Variants in USP28 observed in about 807,000 individuals in gnomAD.
The protein encoded by USP28 is ubiquitin specific peptidase 28.
USP28 carries 113 observed loss-of-function variants against 145.0 expected under a neutral mutation model. The observed-to-expected ratio is 0.78, with a 90% CI of 0.67 to 0.91. The LOEUF (loss-of-function observed/expected upper bound fraction) is 0.91, where lower values mean the gene tolerates loss of function less well. Ranked by LOEUF, USP28 falls within the 40% of genes least tolerant of loss-of-function variation. The pLI is 0.00. For missense variants in USP28, 1,201 were observed against 1,289.6 expected (o/e 0.93, Z 1.05); for synonymous variants, 447 against 450.9 (o/e 0.99, Z 0.11).
intron 5 of USP28, among the ~76,000 whole-genome samples, 170 bp downstream of exon 5, chr11:113,840,428 T>C (rs1945070461): frequency 6.6e-6 from 1 of 152,248 alleles, no homozygotes; most frequent in African/African-American, 2.4e-5. Context: ...TTTTTAGTAC[T>C]GCCCAACTTA....
intron 23 of USP28, among the ~76,000 whole-genome samples, 178 bp downstream of exon 24, chr11:113,802,980 C>T (rs1939308744): frequency 6.6e-6 from 1 of 152,072 alleles, no homozygotes; most frequent in Admixed American, 6.6e-5. Context: ...AGAAGAATGA[C>T]ATTCACTAAA....
chr11:113,854,167 A>T, intron 2 of USP28, 91 bp downstream of exon 2: 1 of 1,202,284 alleles, frequency 8.3e-7, no homozygotes, highest in Non-Finnish European at 1.2e-6. Context: ...TATGTGCTTT[A>T]ATTTGGGAAT....
intron 1 of USP28, among the ~76,000 whole-genome samples, chr11:113,866,479 C>A (rs1258985369): frequency 6.6e-6 from 1 of 151,934 alleles, no homozygotes; most frequent in Admixed American, 6.6e-5. Context: ...CAAAAATGGA[C>A]AAAGAACTTA....
chr11:113,854,299 T>C, exon 2 of USP28: 1 of 1,614,180 alleles, frequency 6.2e-7, no homozygotes, highest in Non-Finnish European at 8.5e-7. Context: ...TGAATGCCTG[T>C]GATTTCTCTC....
chr11:113,831,084 T>C lies in USP28; in HGVS notation c.834-141A>G. On this transcript the variant is annotated intron_variant, in intron 8 of 24. Transcript: ENST00000003302. ...CAGGTATGATCTAAATAAGTAACAA[T>C]TAGTTCAGTTCAAATATTTATTGAA... 4.1e-6 allele frequency: 3 copies of C among 726,176 alleles called. No homozygotes were observed. The South Asian group carries it at 5.2e-5, about 13-fold the overall frequency. The allele number at this position is 726,176 out of a possible 1,614,324, so 45.0% of individuals were successfully genotyped here.
chr11:113,821,978 G>T (rs1189783528), intron 12 of USP28: 1 of 151,932 alleles, frequency 6.6e-6, no homozygotes, highest in African/African-American at 2.4e-5. Flanking sequence ...ACAACTCGAA[G>T]GTCTCATTTT....
At chr11:113,862,218 G>A (rs1339364515) in intron 1 of USP28, among the ~76,000 whole-genome samples, 2 of 152,122 alleles carry the variant, frequency 1.3e-5, no homozygotes, top group Non-Finnish European at 2.9e-5. Context: ...GTGGTGACAG[G>A]TGCCTGTAAT....
At chr11:113,857,952 G>C (rs372177465) in intron 1 of USP28, among the ~76,000 whole-genome samples, 6 of 152,110 alleles carry the variant, frequency 3.9e-5, no homozygotes, top group African/African-American at 1.4e-4. Flanking sequence ...TGCAGCCTCG[G>C]CATCCCAGGC....
chr11:113,859,778 CCT>C (rs1947454164), intron 1 of USP28, among the ~76,000 whole-genome samples: 1 of 152,218 alleles, frequency 6.6e-6, no homozygotes, highest in South Asian at 2.1e-4. Context: ...AGCCTGTACT[CCT>C]CTCACAATGA....
chr11:113,808,043 T>C (rs45570432), intron 18 of USP28: 15,998 of 1,307,026 alleles, frequency 0.012, 124 homozygotes, highest in Non-Finnish European at 0.014. Flanking sequence ...GGCTGGGCAG[T>C]AGACTCTGCA....
At chr11:113,817,937 G>C in intron 12 of USP28, 100 bp from the exon 13 acceptor site, 1 of 1,274,978 alleles carries the variant, frequency 7.8e-7, no homozygotes, top group East Asian at 2.3e-5. Flanking sequence ...CAATGGAAAG[G>C]CTTATTCCTA....
chr11:113,834,454 G>C lies in USP28; in HGVS notation c.535-119C>G, dbSNP rs557231550. The stretch of plus-strand genomic sequence containing the variant: ...AAAAGTATGCAAAACTATCAACCTG[G>C]CAATTTGACTTATGTTATTTCTAAG... On this transcript the variant is annotated intron_variant, in intron 5 of 24. Coordinates refer to ENST00000003302, the Ensembl canonical transcript of USP28. 9.6e-6 allele frequency: 6 copies of C among 626,478 alleles called. No individual in the cohort carries two copies. In the South Asian group the frequency reaches 2.1e-4, roughly 22 times the overall value. The allele number at this position is 626,478 out of a possible 1,614,324, so 38.8% of individuals were successfully genotyped here.
chr11:113,815,087 T>C, intron 14 of USP28, 87 bp downstream of exon 14: 1 of 1,153,458 alleles, frequency 8.7e-7, no homozygotes, highest in Non-Finnish European at 1.2e-6. Flanking sequence ...TACAGTAATG[T>C]CAGGAAGTGT....
intron 8 of USP28, 130 bp from the exon 9 acceptor site, chr11:113,831,073 A>G: frequency 1.3e-6 from 1 of 796,852 alleles, no homozygotes; most frequent in Admixed American, 2.1e-5. Context: ...TATGATCTAA[A>G]TAAGTAACAA....
intron 1 of USP28, among the ~76,000 whole-genome samples, chr11:113,856,694 G>T (rs1947084614): frequency 6.6e-6 from 1 of 152,118 alleles, no homozygotes; most frequent in Admixed American, 6.5e-5. Flanking sequence ...TCTTATTCTT[G>T]TATGTTTTAT....
Position 113,806,487 on chromosome 11 carries a change from A to AC in USP28, c.2400+1dup. 1 of 1,609,614 alleles carries AC rather than the reference A, an allele frequency of 6.2e-7. No individual in the cohort carries two copies. The highest frequency in any genetic ancestry group is 8.5e-7 in the Non-Finnish European group (1 of 1,176,808). On this transcript the variant is annotated splice_donor_variant, in intron 19 of 24. Transcript: ENST00000003302. LOFTEE classifies it high-confidence loss of function. ...GAATTAGAATTTTAAAAACAGAGAT[A>AC]CCTTAATCAGCCCTGCTTCAGACCC...
At chr11:113,808,176 G>A (rs565065564) in intron 18 of USP28, 40 bp from the exon 19 acceptor site, 1 of 1,526,200 alleles carries the variant, frequency 6.6e-7, no homozygotes, top group Non-Finnish European at 8.7e-7. Context: ...AGAAAAAACA[G>A]GAGAAATAAA....
At chr11:113,804,528 T>C in intron 21 of USP28, 145 bp downstream of exon 22, 2 of 660,938 alleles carry the variant, frequency 3.0e-6, no homozygotes, top group East Asian at 2.7e-5. Context: ...GAAAATATCA[T>C]TTATCCATTC....
chr11:113,856,515 A>G (rs929151380), intron 1 of USP28, among the ~76,000 whole-genome samples: 4 of 152,342 alleles, frequency 2.6e-5, no homozygotes, highest in African/African-American at 9.6e-5. Context: ...CTGAACCCTC[A>G]TAACAGACCT....
Sources: allele counts gnomAD v4.1 joint callset (sites outside exome capture counted in the v4.1 genomes callset), GRCh38; gene constraint gnomAD v4.1.1; transcripts MANE v1.5; gene names NCBI Gene and HGNC (gene_info 2026-07-23, HGNC 2026-07-21).